TSPAN9: variants seen among roughly 807,000 people sequenced by gnomAD.
The protein encoded by TSPAN9 is tetraspanin 9.
TSPAN9 carries 16 observed loss-of-function variants against 31.0 expected under a neutral mutation model. That is an observed-to-expected ratio of 0.52 (90% confidence interval 0.35 to 0.78). TSPAN9 has a LOEUF of 0.78. Ranked by LOEUF, TSPAN9 falls within the 30% of genes least tolerant of loss-of-function variation. The pLI, the probability that TSPAN9 is intolerant of heterozygous loss-of-function variation, is 0.01. For synonymous variants in TSPAN9, 145 were observed against 121.6 expected (o/e 1.19, Z -1.27); for missense variants, 272 against 312.5 (o/e 0.87, Z 0.98).
At chr12:3,203,785 G>T (rs1456831267) in intron 3 of TSPAN9, among the ~76,000 whole-genome samples, 1 of 152,222 alleles carries the variant, frequency 6.6e-6, no homozygotes, top group Admixed American at 6.5e-5. Context: ...GTTCATGCTT[G>T]TGTGTAAGAG....
At chr12:3,082,017 C>T (rs1016621830) in intron 1 of TSPAN9, among the ~76,000 whole-genome samples, 1 of 151,718 alleles carries the variant, frequency 6.6e-6, no homozygotes, top group East Asian at 1.9e-4. Context: ...AAAGTCTGTG[C>T]TAAGTTCTGA....
intron 2 of TSPAN9, among the ~76,000 whole-genome samples, chr12:3,108,385 C>G (rs531099091): frequency 6.6e-6 from 1 of 152,200 alleles, no homozygotes; most frequent in African/African-American, 2.4e-5. Flanking sequence ...GCTTAATTTT[C>G]TTTTAAATTC....
chr12:3,226,698 GTGTGTGTGTA>G (rs1565622271), intron 3 of TSPAN9, among the ~76,000 whole-genome samples: 2 of 40,838 alleles, frequency 4.9e-5, no homozygotes, highest in African/African-American at 2.2e-4. Flanking sequence ...GTGTGTGTGT[GTGTGTGTGTA>G]TGTGTATGTA....
intron 2 of TSPAN9, among the ~76,000 whole-genome samples, chr12:3,118,411 A>G (rs1490467651): frequency 6.6e-6 from 1 of 150,826 alleles, no homozygotes; most frequent in African/African-American, 2.4e-5. Flanking sequence ...ACAGGCACCC[A>G]CCATCATGCC....
At chr12:3,079,988 C>CAA (rs1482531375) in intron 1 of TSPAN9, among the ~76,000 whole-genome samples, 33 of 148,588 alleles carry the variant, frequency 2.2e-4, no homozygotes, top group African/African-American at 8.1e-4. Context: ...TGCTATGTTG[C>CAA]CCAGGCTGGT....
chr12:3,139,075 C>T (rs1166247419), intron 2 of TSPAN9, among the ~76,000 whole-genome samples: 4 of 152,206 alleles, frequency 2.6e-5, no homozygotes, highest in African/African-American at 4.8e-5. Context: ...CCAGAACCCA[C>T]ATCTGGCCCA....
At chr12:3,084,860 G>T (rs1180800017) in intron 2 of TSPAN9, among the ~76,000 whole-genome samples, 1 of 152,182 alleles carries the variant, frequency 6.6e-6, no homozygotes, top group African/African-American at 2.4e-5. Flanking sequence ...GCAGACCTGC[G>T]GCTGTTCTTA....
intron 3 of TSPAN9, among the ~76,000 whole-genome samples, chr12:3,221,868 C>G (rs2098384762): frequency 6.6e-6 from 1 of 152,172 alleles, no homozygotes; most frequent in South Asian, 2.1e-4. Flanking sequence ...GTTGCTTAGG[C>G]TGGTCTCAAG....
At chr12:3,103,815 T>A (rs551223298) in intron 2 of TSPAN9, among the ~76,000 whole-genome samples, 1 of 152,292 alleles carries the variant, frequency 6.6e-6, no homozygotes, top group East Asian at 1.9e-4. Flanking sequence ...AGGGCTCCTC[T>A]GGCCAAGCAC....
intron 2 of TSPAN9, among the ~76,000 whole-genome samples, chr12:3,164,729 T>C (rs1423386024): frequency 6.6e-6 from 1 of 152,126 alleles, no homozygotes; most frequent in Non-Finnish European, 1.5e-5. Flanking sequence ...CTGTTAACTC[T>C]GCAACCAGAC....
rs1211269191 is a variant in TSPAN9 at position 3,278,463 on chromosome 12, G to A, written c.106G>A (p.Val36Met). The A allele has an allele frequency of 3.7e-6, 6 of 1,614,170 alleles. No individual in the cohort carries two copies. In the East Asian group the frequency reaches 6.7e-5, roughly 18 times the overall value. Residue 36 changes from valine to methionine, a missense_variant, in exon 4 of 9, where the codon GTG becomes ATG. Transcript: ENST00000011898. ...GLLGVGIWLS[V>M]SQGNFATFSP... Reference sequence around the variant, plus strand: ...GCTGGGAGTGGGCATCTGGCTCTCCGTGTCCCAAGGCAACTTTGCCACCTT... The same window carrying A: ...GCTGGGAGTGGGCATCTGGCTCTCCATGTCCCAAGGCAACTTTGCCACCTT...
chr12:3,262,373 T>C (rs1302950773), intron 3 of TSPAN9, among the ~76,000 whole-genome samples: 3 of 53,216 alleles, frequency 5.6e-5, no homozygotes, highest in Non-Finnish European at 8.4e-5. Context: ...GCTGCTGCTC[T>C]TTTTTTTTTT....
chr12:3,175,046 T>C (rs1285719417), intron 2 of TSPAN9, among the ~76,000 whole-genome samples: 1 of 152,204 alleles, frequency 6.6e-6, no homozygotes, highest in Non-Finnish European at 1.5e-5. Context: ...TCCGCAGCTC[T>C]GCGCCTTGTG....
intron 1 of TSPAN9, among the ~76,000 whole-genome samples, chr12:3,083,221 G>A (rs1035159556): frequency 3.9e-5 from 6 of 152,170 alleles, no homozygotes; most frequent in African/African-American, 1.4e-4. Context: ...ACCTCATAGC[G>A]TACGCGATGC....
intron 2 of TSPAN9, among the ~76,000 whole-genome samples, chr12:3,106,563 A>G (rs2098314784): frequency 6.6e-6 from 1 of 152,146 alleles, no homozygotes; most frequent in Non-Finnish European, 1.5e-5. Context: ...TGAGCCCAGA[A>G]ATTTGAGTTC....
intron 2 of TSPAN9, among the ~76,000 whole-genome samples, chr12:3,186,288 G>A (rs929789072): frequency 6.6e-6 from 1 of 152,208 alleles, no homozygotes; most frequent in Non-Finnish European, 1.5e-5. Context: ...TGGGAATACA[G>A]CAGTAAGTGA....
At chr12:3,108,960 C>T (rs1160650897) in intron 2 of TSPAN9, among the ~76,000 whole-genome samples, 2 of 149,926 alleles carry the variant, frequency 1.3e-5, no homozygotes, top group Non-Finnish European at 3.0e-5. Flanking sequence ...TTTTTTGAGA[C>T]AGAGTCTCGC....
At chr12:3,261,407 T>G (rs1032572374) in intron 3 of TSPAN9, among the ~76,000 whole-genome samples, 6 of 152,014 alleles carry the variant, frequency 3.9e-5, no homozygotes, top group Non-Finnish European at 4.4e-5. Context: ...TCACCCAGAG[T>G]TATATCTGGC....
At chr12:3,106,416 TG>T in intron 2 of TSPAN9, among the ~76,000 whole-genome samples, 1 of 152,188 alleles carries the variant, frequency 6.6e-6, no homozygotes, top group African/African-American at 2.4e-5. Context: ...GCATTATGCC[TG>T]TAAAATGTAA....
Sources: gnomAD v4.1 joint callset for allele counts (sites outside exome capture counted in the v4.1 genomes callset) on GRCh38, gnomAD v4.1.1 for gene constraint, MANE v1.5 for transcripts, NCBI Gene and HGNC (gene_info 2026-07-23, HGNC 2026-07-21) for gene names.